The following GGH variants were observed in gnomAD, a reference collection of about 807,000 sequenced individuals.
GGH encodes the protein gamma-glutamyl hydrolase, also known as gamma-Glu-X carboxypeptidase.
GGH carries 18 observed loss-of-function variants against 39.2 expected under a neutral mutation model. The ratio of observed to expected loss-of-function variants is 0.46; its 90% CI spans 0.32 to 0.68. The LOEUF is 0.68. GGH is among the 30% of genes least tolerant of loss of function. The pLI, the probability that GGH is intolerant of heterozygous loss-of-function variation, is 0.04. For missense variants in GGH, 367 were observed against 384.1 expected, an observed-to-expected ratio of 0.96 and a Z score of 0.37; for synonymous variants, 147 against 138.8, an observed-to-expected ratio of 1.06 and a Z score of -0.42.
At chr8:63,025,026 A>C (rs1272120247) in intron 5 of GGH, 2 of 152,258 alleles carry the variant, frequency 1.3e-5, no homozygotes, top group African/African-American at 4.8e-5. Context: ...AATCCCTATG[A>C]GAACAGAAAT....
chr8:63,030,396 T>C (rs187676824), intron 2 of GGH, among the ~76,000 whole-genome samples, 179 bp from the exon 3 acceptor site: 50 of 152,356 alleles, frequency 3.3e-4, no homozygotes, highest in African/African-American at 1.2e-3. Context: ...CATCATTCTA[T>C]CCTTGTTTTG....
At chr8:63,035,301 T>C (rs1264578772) in intron 2 of GGH, among the ~76,000 whole-genome samples, 1 of 152,156 alleles carries the variant, frequency 6.6e-6, no homozygotes, top group African/African-American at 2.4e-5. Context: ...ATTTTAGAGA[T>C]ATTAGGCAGT....
chr8:63,035,367 G>A (rs769941999), intron 2 of GGH, among the ~76,000 whole-genome samples: 3 of 152,148 alleles, frequency 2.0e-5, no homozygotes, highest in Non-Finnish European at 2.9e-5. Flanking sequence ...GTGCAGTGGT[G>A]CGATCTCAAC....
chr8:63,032,633 A>G (rs1304085932), intron 2 of GGH, among the ~76,000 whole-genome samples: 2 of 152,210 alleles, frequency 1.3e-5, no homozygotes, highest in African/African-American at 4.8e-5. Context: ...CAAAATTCAG[A>G]AATGAACCTA....
chr8:63,025,687 CGT>C (rs1420247774), intron 5 of GGH, among the ~76,000 whole-genome samples: 5 of 151,906 alleles, frequency 3.3e-5, no homozygotes, highest in Admixed American at 1.3e-4. Flanking sequence ...GCCGAGATTG[CGT>C]CACTGCGCTC....
intron 5 of GGH, 124 bp from the exon 6 acceptor site, chr8:63,024,310 A>C (rs887016522): frequency 3.3e-6 from 2 of 602,686 alleles, no homozygotes; most frequent in Admixed American, 6.4e-5. Flanking sequence ...AATGATATGC[A>C]AAACACATCA....
At chr8:63,020,824 TGAG>T (rs1158154623) in intron 7 of GGH, among the ~76,000 whole-genome samples, 2 of 152,132 alleles carry the variant, frequency 1.3e-5, no homozygotes, top group African/African-American at 2.4e-5. Context: ...GAGGAGCCAC[TGAG>T]GAGTTTTGTT....
intron 2 of GGH, among the ~76,000 whole-genome samples, chr8:63,034,626 G>T (rs1804866459): frequency 6.6e-6 from 1 of 152,110 alleles, no homozygotes; most frequent in Non-Finnish European, 1.5e-5. Context: ...GAAGAATTCA[G>T]TTCTAAATGA....
intron 2 of GGH, among the ~76,000 whole-genome samples, chr8:63,033,379 T>C (rs2129677405): frequency 6.6e-6 from 1 of 152,366 alleles, no homozygotes; most frequent in East Asian, 1.9e-4. Context: ...CAGCTGGTCT[T>C]GGGCTTTTCT....
intron 1 of GGH, 72 bp downstream of exon 1, chr8:63,038,588 C>CGGGGGGG: frequency 5.3e-6 from 4 of 754,214 alleles, no homozygotes; most frequent in Non-Finnish European, 3.9e-6. Flanking sequence ...AGCTGGAGCG[C>CGGGGGGG]GGCGGCGGGA....
intron 7 of GGH, among the ~76,000 whole-genome samples, chr8:63,020,847 C>G (rs1382804212): frequency 6.6e-6 from 1 of 152,184 alleles, no homozygotes; most frequent in Non-Finnish European, 1.5e-5. Context: ...TCAGGCAATA[C>G]TATCAGACTG....
chr8:63,038,718 C>A lies in GGH; in HGVS notation c.51G>T (p.Gly17=), dbSNP rs754564165. 1 of 1,585,328 alleles carries A rather than the reference C, an allele frequency of 6.3e-7. No individual in the cohort carries two copies. The highest frequency in any genetic ancestry group is 1.1e-5 in the South Asian group (1 of 87,386). The change falls in exon 1 of 9, where the codon GGG becomes GGT. Residue 17 remains glycine (G), a synonymous_variant. Transcript: ENST00000260118. Reference sequence around the variant, plus strand: ...GTCTAGACAGCTCGAGGCTCGCCGCCCCGCAGAGTAGCAGGCCCAGCACGC... The same window carrying A: ...GTCTAGACAGCTCGAGGCTCGCCGCACCGCAGAGTAGCAGGCCCAGCACGC... ...LLCVLGLLLC[G]AASLELSRPH... is the part of the protein sequence containing the mutation.
At chr8:63,032,734 A>T (rs1804828952) in intron 2 of GGH, among the ~76,000 whole-genome samples, 1 of 152,228 alleles carries the variant, frequency 6.6e-6, no homozygotes, top group Admixed American at 6.5e-5. Flanking sequence ...CTGTTTCTAC[A>T]AGATCACATG....
rs1345479676 is a variant in GGH, at chr8:63,017,647, A to T, written c.698-17T>A. On this transcript the variant is annotated splice_polypyrimidine_tract_variant and intron_variant, in intron 7 of 8. Coordinates refer to ENST00000260118, the MANE Select transcript of GGH (RefSeq NM_003878.3). Reference sequence around the variant, plus strand: ...ACTTATATCCTGTAAGAAGAACACAAATTAGTAAGTACTAAGAATGGTTTA... The same window carrying T: ...ACTTATATCCTGTAAGAAGAACACATATTAGTAAGTACTAAGAATGGTTTA... The T allele has an allele frequency of 6.6e-7, 1 of 1,507,364 alleles. No homozygotes were observed. Among genetic ancestry groups the T allele is most frequent in the African/African-American group, 1.4e-5 (1 of 71,692 alleles). 93.4% of individuals were successfully genotyped at this position (1,507,364 alleles called of 1,614,324 possible).
At chr8:63,024,387 A>G (rs758161262) in intron 5 of GGH, 9 of 458,622 alleles carry the variant, frequency 2.0e-5, no homozygotes, top group South Asian at 7.9e-5. Context: ...TGCTCCAGCT[A>G]TAAGTAATCT....
chr8:63,035,469 C>A (rs1804888232), intron 2 of GGH, among the ~76,000 whole-genome samples, 187 bp downstream of exon 2: 2 of 152,112 alleles, frequency 1.3e-5, no homozygotes, highest in South Asian at 4.2e-4. Context: ...CTGCACCCAG[C>A]TAATTTTTGT....
At position 63,038,724 on chromosome 8, in the gene GGH, G is replaced by A. The variant is rs201836906; in HGVS notation, c.45C>T (p.Leu15=). The change falls in exon 1 of 9, where the codon CTC becomes CTT. Residue 15 remains leucine (L), a synonymous_variant. Coordinates refer to ENST00000260118, the MANE Select transcript of GGH (RefSeq NM_003878.3). ...GCLLCVLGLL[L]CGAASLELSR... Reference sequence around the variant, plus strand: ...ACAGCTCGAGGCTCGCCGCCCCGCAGAGTAGCAGGCCCAGCACGCACAGCA... The same window carrying A: ...ACAGCTCGAGGCTCGCCGCCCCGCAAAGTAGCAGGCCCAGCACGCACAGCA... 1.8e-5 allele frequency: 28 copies of A among 1,585,460 alleles called. No individual in the cohort carries two copies. Among genetic ancestry groups the A allele is most frequent in the African/African-American group, 5.5e-5 (4 of 73,066 alleles).
intron 7 of GGH, among the ~76,000 whole-genome samples, chr8:63,022,821 G>T (rs1224870635): frequency 6.6e-6 from 1 of 151,998 alleles, no homozygotes; most frequent in Non-Finnish European, 1.5e-5. Flanking sequence ...ACCACACCTG[G>T]CCTCAATTAT....
chr8:63,034,009 TTATATATATATATAATATATATAAAAA>T (rs1804853925), intron 2 of GGH, among the ~76,000 whole-genome samples: 1 of 141,620 alleles, frequency 7.1e-6, no homozygotes, highest in South Asian at 2.2e-4. Context: ...ATGTCTCTCC[TTATATATATATATAATATATATAAAAA>T]TATATATATA....
Sources: allele counts gnomAD v4.1 joint callset (sites outside exome capture counted in the v4.1 genomes callset), GRCh38; gene constraint gnomAD v4.1.1; transcripts MANE v1.5; gene names NCBI Gene and HGNC (gene_info 2026-07-23, HGNC 2026-07-21).